The following PRKN variants were observed in gnomAD, a reference collection of about 807,000 sequenced individuals.
The protein encoded by PRKN is parkin RBR E3 ubiquitin protein ligase, also known as E3 ubiquitin-protein ligase parkin.
In PRKN, 56 loss-of-function variants were observed where a neutral mutation model predicts 59.5. That is an observed-to-expected ratio of 0.94 (90% confidence interval 0.76 to 1.18). The LOEUF (loss-of-function observed/expected upper bound fraction) is 1.18, where lower values mean the gene tolerates loss of function less well. Among genes scored for constraint, PRKN ranks in the 50% most tolerant of loss-of-function variants. The probability of loss-of-function intolerance (pLI) is 0.00; values close to 1 mark genes in which losing one functional copy is unlikely to be tolerated. For missense variants in PRKN, 657 were observed against 596.4 expected, an observed-to-expected ratio of 1.10 and a Z score of -1.06; for synonymous variants, 250 against 222.1, an observed-to-expected ratio of 1.13 and a Z score of -1.12.
intron 7 of PRKN, among the ~76,000 whole-genome samples, chr6:161,609,894 A>G (rs938216189): frequency 3.9e-5 from 6 of 152,188 alleles, no homozygotes; most frequent in Non-Finnish European, 7.3e-5. Flanking sequence ...TGCTTTTCCA[A>G]TAGCTTCAAA....
At chr6:162,428,515 CT>C (rs1331517966) in intron 2 of PRKN, among the ~76,000 whole-genome samples, 1 of 151,746 alleles carries the variant, frequency 6.6e-6, no homozygotes, top group Non-Finnish European at 1.5e-5. Context: ...TGAACTGCCC[CT>C]CCCACAATAA....
chr6:162,612,141 T>C (rs1395590575), intron 1 of PRKN, among the ~76,000 whole-genome samples: 53 of 132,804 alleles, frequency 4.0e-4, no homozygotes, highest in African/African-American at 6.6e-4. Context: ...TGCAGTGAGC[T>C]GAGATCGCGC....
intron 2 of PRKN, among the ~76,000 whole-genome samples, chr6:162,402,909 C>T (rs1370115374): frequency 6.6e-6 from 1 of 152,018 alleles, no homozygotes; most frequent in African/African-American, 2.4e-5. Context: ...TCCCAAAGTG[C>T]TGGGGTTACA....
intron 1 of PRKN, among the ~76,000 whole-genome samples, chr6:162,539,323 G>A (rs1486633102): frequency 6.6e-6 from 1 of 152,080 alleles, no homozygotes; most frequent in Non-Finnish European, 1.5e-5. Context: ...TTAGACACAT[G>A]GGTAAATTAG....
chr6:161,826,522 A>G (rs956498449), intron 6 of PRKN, among the ~76,000 whole-genome samples: 6 of 152,286 alleles, frequency 3.9e-5, no homozygotes, highest in African/African-American at 1.2e-4. Flanking sequence ...TAAAAGTTCT[A>G]TTTGTGGACG....
At chr6:162,344,425 T>C (rs1784312011) in intron 2 of PRKN, among the ~76,000 whole-genome samples, 2 of 152,132 alleles carry the variant, frequency 1.3e-5, no homozygotes, top group Admixed American at 1.3e-4. Flanking sequence ...TTTTAACAGA[T>C]GTGATTCTAT....
At chr6:161,844,753 G>A (rs981172661) in intron 6 of PRKN, among the ~76,000 whole-genome samples, 1 of 152,196 alleles carries the variant, frequency 6.6e-6, no homozygotes, top group Non-Finnish European at 1.5e-5. Flanking sequence ...GGGGTATAAG[G>A]CAGCAGGACA....
At chr6:162,131,643 G>A (rs1376373937) in intron 4 of PRKN, among the ~76,000 whole-genome samples, 1 of 152,144 alleles carries the variant, frequency 6.6e-6, no homozygotes, top group African/African-American at 2.4e-5. Context: ...ACCTGGAGGA[G>A]AAAATGATTA....
intron 7 of PRKN, among the ~76,000 whole-genome samples, chr6:161,746,555 T>A (rs930546333): frequency 2.1e-5 from 3 of 145,636 alleles, no homozygotes; most frequent in Admixed American, 1.4e-4. Context: ...TTATCTATTT[T>A]TTTATATATA....
At chr6:161,916,717 G>A (rs571367047) in intron 6 of PRKN, among the ~76,000 whole-genome samples, 3 of 152,124 alleles carry the variant, frequency 2.0e-5, no homozygotes, top group South Asian at 4.2e-4. Context: ...TCTTCTACCC[G>A]GTTCCGTTCC....
chr6:162,622,406 A>G (rs2128221078), intron 1 of PRKN, among the ~76,000 whole-genome samples: 1 of 151,902 alleles, frequency 6.6e-6, no homozygotes, highest in East Asian at 1.9e-4. Context: ...TTGGTCTCCA[A>G]CACCTCGCCT....
At position 162,043,330 on chromosome 6, in the gene PRKN, G is replaced by A. The variant is rs1054303468; in HGVS notation, c.618+10761C>T. ...CAATGCTGGGATCCAGAAAAATATAGATGTTTTTGAATAAGGTTTTTGAAT... is the reference window on the plus strand; with the variant it reads ...CAATGCTGGGATCCAGAAAAATATAAATGTTTTTGAATAAGGTTTTTGAAT... On this transcript the variant is annotated intron_variant, in intron 5 of 11. Transcript: ENST00000366898. Among the ~76,000 whole-genome samples the A allele has an allele frequency of 7.2e-5, 11 of 152,282 alleles. No individual in the cohort carries two copies. In the South Asian group the frequency reaches 2.3e-3, roughly 32 times the overall value.
chr6:161,364,288 G>A (rs1162396169), intron 10 of PRKN, among the ~76,000 whole-genome samples: 5 of 149,036 alleles, frequency 3.4e-5, no homozygotes, highest in African/African-American at 4.9e-5. Flanking sequence ...GTGAAACCCC[G>A]TCTCTACTAA....
intron 6 of PRKN, among the ~76,000 whole-genome samples, chr6:161,967,661 G>A (rs1780632541): frequency 6.6e-6 from 1 of 152,206 alleles, no homozygotes; most frequent in African/African-American, 2.4e-5. Flanking sequence ...ATGAGTGACT[G>A]AGGCAGAAGG....
intron 1 of PRKN, among the ~76,000 whole-genome samples, chr6:162,594,468 C>T (rs1781423126): frequency 6.6e-6 from 1 of 152,090 alleles, no homozygotes; most frequent in Non-Finnish European, 1.5e-5. Flanking sequence ...CTTCCCCTTC[C>T]TCTTTTCTGT....
rs569717798 is a variant in PRKN, at chr6:162,024,187, C to T, written c.618+29904G>A. 1.8e-3 allele frequency among the ~76,000 whole-genome samples: 262 copies of T among 143,600 alleles called. 3 individuals carry two copies. Among genetic ancestry groups the T allele is most frequent in the African/African-American group, 6.5e-3 (252 of 38,560 alleles). 94.2% of individuals were successfully genotyped at this position (143,600 alleles called of 152,430 possible). ...AGTCCCTCCCTTCCTCCCTCCCTCC[C>T]CCAACCCTTTTTTTTTTTTTTTTTT... On this transcript the variant is annotated intron_variant, in intron 5 of 11. Transcript: ENST00000366898.
intron 1 of PRKN, among the ~76,000 whole-genome samples, chr6:162,588,332 G>A (rs1283098805): frequency 4.6e-5 from 7 of 151,396 alleles, no homozygotes; most frequent in Admixed American, 3.9e-4. Context: ...GTTTTGCTGT[G>A]AGAAAGGCCA....
At chr6:162,302,831 C>G (rs999019543) in intron 2 of PRKN, among the ~76,000 whole-genome samples, 2 of 152,080 alleles carry the variant, frequency 1.3e-5, no homozygotes, top group African/African-American at 4.8e-5. Flanking sequence ...TGGTTACCCT[C>G]TAATTCACCT....
intron 1 of PRKN, among the ~76,000 whole-genome samples, chr6:162,691,127 C>T (rs1447708070): frequency 2.6e-5 from 4 of 151,948 alleles, no homozygotes; most frequent in South Asian, 2.1e-4. Context: ...GATAAGCATC[C>T]GATGATGATA....
Sources: allele counts gnomAD v4.1 joint callset (sites outside exome capture counted in the v4.1 genomes callset), GRCh38; gene constraint gnomAD v4.1.1; transcripts MANE v1.5; gene names NCBI Gene and HGNC (gene_info 2026-07-23, HGNC 2026-07-21).